Variants in CAST observed in about 807,000 individuals in gnomAD.
CAST encodes the protein calpastatin.
CAST carries 76 observed loss-of-function variants against 119.6 expected under a neutral mutation model. That is an observed-to-expected ratio of 0.64 (90% CI 0.53 to 0.77). CAST has a LOEUF of 0.77. CAST is among the 30% of genes least tolerant of loss of function. The pLI is 0.00. For synonymous variants in CAST, 319 were observed against 331.6 expected (o/e 0.96, Z 0.41); for missense variants, 953 against 946.5 (o/e 1.01, Z -0.09).
chr5:96,715,973 A>G (rs188192716), intron 3 of CAST, among the ~76,000 whole-genome samples: 2 of 152,330 alleles, frequency 1.3e-5, no homozygotes, highest in Non-Finnish European at 2.9e-5. Context: ...CATAAACACT[A>G]TACCTTGTTA....
the CAST span, among the ~76,000 whole-genome samples, chr5:96,274,177 T>C: frequency 4.0e-5 from 6 of 151,760 alleles, no homozygotes; most frequent in Non-Finnish European, 7.4e-5. Flanking sequence ...TCTTGGCTCA[T>C]TGCAAGCTCC....
intron 3 of CAST, among the ~76,000 whole-genome samples, chr5:96,697,455 C>T (rs145898232): frequency 7.5e-4 from 114 of 152,294 alleles, no homozygotes; most frequent in Non-Finnish European, 9.1e-4. Flanking sequence ...GAAGCTCTAA[C>T]GCTAAATACC....
chr5:96,754,586 T>C, intron 21 of CAST, 72 bp from the exon 22 acceptor site: 1 of 872,146 alleles, frequency 1.1e-6, no homozygotes, highest in Non-Finnish European at 1.9e-6. Flanking sequence ...ACCTCAAATC[T>C]AGTCACTCAG....
At chr5:96,687,492 G>A (rs1262594864) in intron 2 of CAST, among the ~76,000 whole-genome samples, 3 of 152,186 alleles carry the variant, frequency 2.0e-5, no homozygotes, top group African/African-American at 7.2e-5. Context: ...TAAGAAAGAT[G>A]TTGTTTGGAA....
At chr5:96,147,535 G>A in the CAST span, among the ~76,000 whole-genome samples, 12 of 152,170 alleles carry the variant, frequency 7.9e-5, no homozygotes, top group East Asian at 1.4e-3. Flanking sequence ...CCTGGGAGGC[G>A]GAGCTTGCAG....
the CAST span, among the ~76,000 whole-genome samples, chr5:96,024,250 T>C: frequency 3.3e-5 from 5 of 152,360 alleles, no homozygotes; most frequent in African/African-American, 1.2e-4. Flanking sequence ...CAAGTTCAGT[T>C]ATTTTTTATT....
the CAST span, among the ~76,000 whole-genome samples, chr5:96,295,693 C>G: frequency 4.8e-4 from 73 of 152,204 alleles, no homozygotes; most frequent in Middle Eastern, 3.4e-3. Context: ...ATTTTTCCTA[C>G]TTGCCAGACA....
chr5:96,349,771 C>T, the CAST span, among the ~76,000 whole-genome samples: 1 of 152,174 alleles, frequency 6.6e-6, no homozygotes, highest in East Asian at 1.9e-4. Context: ...CCAGTAAACT[C>T]CTTTCTGTTT....
intron 1 of CAST, among the ~76,000 whole-genome samples, chr5:96,591,698 G>A (rs1422978777): frequency 2.6e-5 from 4 of 152,114 alleles, no homozygotes; most frequent in Non-Finnish European, 5.9e-5. Flanking sequence ...ATTCTTCCTT[G>A]GCATAATAAA....
At chr5:96,362,176 T>C in the CAST span, among the ~76,000 whole-genome samples, 22 of 152,282 alleles carry the variant, frequency 1.4e-4, no homozygotes, top group East Asian at 4.2e-3. Context: ...TCCTTTTTTA[T>C]GGCTGCATAG....
At chr5:96,562,454 G>A (rs909203029) in intron 1 of CAST, among the ~76,000 whole-genome samples, 5 of 152,092 alleles carry the variant, frequency 3.3e-5, no homozygotes, top group Non-Finnish European at 5.9e-5. Context: ...CTCAAACTGA[G>A]TACTAAGCAA....
At chr5:96,679,202 C>T (rs1751049887) in intron 2 of CAST, 1 of 152,074 alleles carries the variant, frequency 6.6e-6, no homozygotes, top group African/African-American at 2.4e-5. Flanking sequence ...ATACATTTGT[C>T]ATGCTGCGTT....
At chr5:96,493,968 G>T in the CAST span, among the ~76,000 whole-genome samples, 2 of 152,196 alleles carry the variant, frequency 1.3e-5, no homozygotes, top group African/African-American at 4.8e-5. Flanking sequence ...CTGGGAGGCA[G>T]AGGCTGCAGT....
the CAST span, among the ~76,000 whole-genome samples, chr5:96,458,273 A>G: frequency 2.6e-5 from 4 of 152,328 alleles, no homozygotes; most frequent in Non-Finnish European, 5.9e-5. Context: ...ATTTGTTTAT[A>G]TGTTGTCTAT....
chr5:96,173,850 C>T, the CAST span, among the ~76,000 whole-genome samples: 2 of 152,006 alleles, frequency 1.3e-5, no homozygotes, highest in African/African-American at 2.4e-5. Context: ...ACACCATTCT[C>T]CTGCCTCAGC....
At chr5:96,516,281 A>ACATT in the CAST span, among the ~76,000 whole-genome samples, 1 of 152,080 alleles carries the variant, frequency 6.6e-6, no homozygotes, top group Non-Finnish European at 1.5e-5. Context: ...AAAAACCAAT[A>ACATT]CATTGCTCTG....
intron 1 of CAST, among the ~76,000 whole-genome samples, chr5:96,604,258 T>C (rs1747212950): frequency 6.6e-6 from 1 of 152,226 alleles, no homozygotes; most frequent in South Asian, 2.1e-4. Flanking sequence ...ATGTAACACA[T>C]GAACATACTC....
chr5:95,963,309 G>T, the CAST span, among the ~76,000 whole-genome samples: 2 of 152,040 alleles, frequency 1.3e-5, no homozygotes, highest in Non-Finnish European at 2.9e-5. Context: ...CTTCCCCACC[G>T]TACGGGTACA....
At chr5:96,643,082 C>G (rs1162040928) in intron 1 of CAST, among the ~76,000 whole-genome samples, 1 of 152,132 alleles carries the variant, frequency 6.6e-6, no homozygotes, top group Non-Finnish European at 1.5e-5. Flanking sequence ...AACCACTACT[C>G]TATATTTATT....
Sources: allele counts gnomAD v4.1 joint callset (sites outside exome capture counted in the v4.1 genomes callset), GRCh38; gene constraint gnomAD v4.1.1; transcripts MANE v1.5; gene names NCBI Gene and HGNC (gene_info 2026-07-23, HGNC 2026-07-21).